MGAT5: variants seen among roughly 807,000 people sequenced by gnomAD.
MGAT5 encodes alpha-1,6-mannosylglycoprotein 6-beta-N-acetylglucosaminyltransferase A.
A neutral mutation model predicts 94.3 loss-of-function variants in MGAT5; 30 were observed. The observed-to-expected ratio is 0.32, with a 90% CI of 0.24 to 0.43. MGAT5 has a LOEUF of 0.43. Ranked by LOEUF, MGAT5 falls within the 20% of genes least tolerant of loss-of-function variation. The probability of loss-of-function intolerance (pLI) is 1.00; values close to 1 mark genes in which losing one functional copy is unlikely to be tolerated. For missense variants in MGAT5, 691 were observed against 905.5 expected, an observed-to-expected ratio of 0.76 and a Z score of 3.04; for synonymous variants, 310 against 322.9, an observed-to-expected ratio of 0.96 and a Z score of 0.43.
chr2:134,155,336 G>C (rs1435318526), intron 1 of MGAT5, among the ~76,000 whole-genome samples: 1 of 152,186 alleles, frequency 6.6e-6, no homozygotes. Flanking sequence ...GCAGATCATT[G>C]AGGTCCATCT....
At chr2:134,302,374 G>A (rs1445224336) in intron 2 of MGAT5, among the ~76,000 whole-genome samples, 1 of 151,934 alleles carries the variant, frequency 6.6e-6, no homozygotes, top group African/African-American at 2.4e-5. Context: ...ATCTATAAAG[G>A]CCTTAAATCT....
chr2:134,325,022 A>AT (rs536077025), intron 4 of MGAT5, among the ~76,000 whole-genome samples: 4,312 of 151,220 alleles, frequency 0.029, 211 homozygotes, highest in African/African-American at 0.098. Flanking sequence ...AAAAAAAAAA[A>AT]ATCCTGAGTT....
rs552436935 is a variant in MGAT5, at chr2:134,132,593, A to G, written c.-143+12302A>G. The stretch of plus-strand genomic sequence containing the variant: ...ATTTGTTCTTCTGTTGTTTATGGCT[A>G]CTTTCACACTACAATGGCAGAGGCC... On this transcript the variant is annotated intron_variant, in intron 1 of 16. Transcript: ENST00000409645. Among the ~76,000 whole-genome samples, 210 of 152,368 alleles carry G rather than the reference A, an allele frequency of 1.4e-3. 3 individuals carry two copies. The South Asian group carries it at 0.016, about 12-fold the overall frequency.
intron 11 of MGAT5, among the ~76,000 whole-genome samples, chr2:134,406,424 C>A (rs1229142335): frequency 3.3e-5 from 5 of 152,214 alleles, no homozygotes; most frequent in Non-Finnish European, 7.3e-5. Flanking sequence ...GTTTCCCCAT[C>A]ATGTCAGCTT....
Position 134,388,498 on chromosome 2 carries a change from A to C in MGAT5, c.1381-14490A>C, listed in dbSNP as rs141388664. ...ATTAACAGTAAATTTTTTAATATTG[A>C]AATATACAGGGTTCAGATTTCTTAG... is the stretch of plus-strand genomic sequence containing the variant. On this transcript the variant is annotated intron_variant, in intron 10 of 15. Coordinates refer to ENST00000281923, the MANE Select transcript of MGAT5 (RefSeq NM_002410.5). Among the ~76,000 whole-genome samples, 644 of 152,130 alleles carry C rather than the reference A, an allele frequency of 4.2e-3. 4 individuals are homozygous for C. The highest frequency in any genetic ancestry group is 0.014 in the African/African-American group (592 of 41,530).
rs912983981 is a variant in MGAT5 at position 134,189,602 on chromosome 2, G to GTTTTTTTTTTTTTTTTTTTTT, written c.-142-64642_-142-64641insTTTTTTTTTTTTTTTTTTTTT. Among the ~76,000 whole-genome samples, 190 of 84,606 alleles carry GTTTTTTTTTTTTTTTTTTTTT rather than the reference G, an allele frequency of 2.2e-3. 18 individuals carry two copies. The highest frequency in any genetic ancestry group is 2.9e-3 in the Non-Finnish European group (128 of 43,560). 55.5% of individuals were successfully genotyped at this position (84,606 alleles called of 152,430 possible). A position where few individuals can be genotyped will look rare whatever the true frequency, so the allele number is the denominator to read the frequency against. On this transcript the variant is annotated intron_variant, in intron 1 of 16. Transcript: ENST00000409645. ...AACCTCATGGCTCTAGTTTTTTTTT[G>GTTTTTTTTTTTTTTTTTTTTT]TTTTTTTTTTTTTTTTTTAAGACAG... is the stretch of plus-strand genomic sequence containing the variant.
intron 4 of MGAT5, among the ~76,000 whole-genome samples, chr2:134,319,449 G>A (rs756291507): frequency 6.6e-6 from 1 of 152,066 alleles, no homozygotes; most frequent in Non-Finnish European, 1.5e-5. Context: ...GATGCCACAT[G>A]ATCAGAATCT....
Position 134,397,763 on chromosome 2 carries a change from G to T in MGAT5, c.1381-5225G>T, listed in dbSNP as rs1390917610. Among the ~76,000 whole-genome samples the T allele has an allele frequency of 4.6e-5, 7 of 152,290 alleles. No homozygotes were observed. In the South Asian group the frequency reaches 1.5e-3, roughly 32 times the overall value. On this transcript the variant is annotated intron_variant, in intron 10 of 15. Coordinates refer to ENST00000281923, the MANE Select transcript of MGAT5 (RefSeq NM_002410.5). ...GAGCGTGCCACTGTTGAGACAACGA[G>T]CCCAGCCCAGACATTACGATAGCAG...
intron 10 of MGAT5, among the ~76,000 whole-genome samples, chr2:134,382,975 A>G (rs920514937): frequency 6.6e-6 from 1 of 152,206 alleles, no homozygotes; most frequent in Admixed American, 6.5e-5. Context: ...CTTCTATATA[A>G]ACTTAGTTGG....
chr2:134,224,171 A>G (rs1680935436), intron 1 of MGAT5, among the ~76,000 whole-genome samples: 2 of 152,280 alleles, frequency 1.3e-5, no homozygotes, highest in South Asian at 2.1e-4. Flanking sequence ...TTGTCTTGAC[A>G]TTTGGGGTTT....
At chr2:134,350,904 G>C (rs1679341280) in intron 9 of MGAT5, among the ~76,000 whole-genome samples, 1 of 152,184 alleles carries the variant, frequency 6.6e-6, no homozygotes, top group Non-Finnish European at 1.5e-5. Context: ...TGTTTGCTTT[G>C]TGGAAACAAG....
intron 8 of MGAT5, among the ~76,000 whole-genome samples, chr2:134,347,651 CTA>C (rs1345695766): frequency 1.3e-5 from 2 of 151,998 alleles, no homozygotes; most frequent in Admixed American, 1.3e-4. Context: ...TATAAGTAAT[CTA>C]GAGATGATTT....
chr2:134,163,554 G>A (rs73007470), intron 1 of MGAT5, among the ~76,000 whole-genome samples: 5,862 of 152,296 alleles, frequency 0.038, 387 homozygotes, highest in African/African-American at 0.13. Flanking sequence ...GAGAAAAAAG[G>A]CAGACATCTT....
At position 134,362,268 on chromosome 2, in the gene MGAT5, A is replaced by G. The variant is rs756186211; in HGVS notation, c.1247-7A>G. 1 of 1,612,252 alleles carries G rather than the reference A, an allele frequency of 6.2e-7. No homozygotes were observed. Among genetic ancestry groups the G allele is most frequent in the South Asian group, 1.1e-5 (1 of 90,706 alleles). On this transcript the variant is annotated splice_region_variant and splice_polypyrimidine_tract_variant and intron_variant, in intron 9 of 15. Coordinates refer to ENST00000281923, the MANE Select transcript of MGAT5 (RefSeq NM_002410.5). Reference sequence around the variant, plus strand: ...CTAACTGTCCTCTCCATTTCTTTGCACACCAGCTCATACCCCAGACAACAG... The same window carrying G: ...CTAACTGTCCTCTCCATTTCTTTGCGCACCAGCTCATACCCCAGACAACAG...
chr2:134,269,532 T>C (rs1683901473), intron 1 of MGAT5, among the ~76,000 whole-genome samples: 1 of 152,246 alleles, frequency 6.6e-6, no homozygotes, highest in African/African-American at 2.4e-5. Flanking sequence ...TACAAGTCAG[T>C]ATATCTTTCT....
chr2:134,341,450 T>C, intron 6 of MGAT5, 140 bp from the exon 7 acceptor site: 1 of 677,098 alleles, frequency 1.5e-6, no homozygotes, highest in Non-Finnish European at 2.4e-6. Flanking sequence ...TTGTACCTTC[T>C]AGAAAAACAG....
At position 134,235,922 on chromosome 2, in the gene MGAT5, A is replaced by G. The variant is rs141283731; in HGVS notation, c.-142-18340A>G. Among the ~76,000 whole-genome samples, 552 of 152,194 alleles carry G rather than the reference A, an allele frequency of 3.6e-3. 4 individuals carry two copies. Among genetic ancestry groups the G allele is most frequent in the Admixed American group, 4.8e-3 (73 of 15,288 alleles). ...TCATCTATAATTCTCACTGTAACTCAGTTTCTGTCTTGCTCCCCCTCCCCT... is the reference window on the plus strand; with the variant it reads ...TCATCTATAATTCTCACTGTAACTCGGTTTCTGTCTTGCTCCCCCTCCCCT... On this transcript the variant is annotated intron_variant, in intron 1 of 16. Coordinates refer to the MGAT5 transcript ENST00000409645.
intron 9 of MGAT5, among the ~76,000 whole-genome samples, chr2:134,353,491 A>G (rs1235889474): frequency 6.6e-6 from 1 of 152,214 alleles, no homozygotes; most frequent in Non-Finnish European, 1.5e-5. Context: ...AAAACTCCAC[A>G]AAGTGTAGTG....
At chr2:134,278,147 C>G (rs1684491750) in intron 2 of MGAT5, among the ~76,000 whole-genome samples, 1 of 152,152 alleles carries the variant, frequency 6.6e-6, no homozygotes, top group Non-Finnish European at 1.5e-5. Context: ...GAAAATTCTT[C>G]TCATTGTTGG....
Sources: allele counts gnomAD v4.1 joint callset (sites outside exome capture counted in the v4.1 genomes callset), GRCh38; gene constraint gnomAD v4.1.1; transcripts MANE v1.5; gene names NCBI Gene and HGNC (gene_info 2026-07-23, HGNC 2026-07-21).